Variants in KIF11 observed in about 807,000 individuals in gnomAD.
The protein encoded by KIF11 is kinesin-like protein KIF11.
A neutral mutation model predicts 121.0 loss-of-function variants in KIF11; 9 were observed. That is an observed-to-expected ratio of 0.07 (90% confidence interval 0.04 to 0.13). The LOEUF (loss-of-function observed/expected upper bound fraction) is 0.13. Ranked by LOEUF, KIF11 falls within the 10% of genes least tolerant of loss-of-function variation. The pLI is 1.00. For synonymous variants in KIF11, 408 were observed against 421.0 expected (o/e 0.97, Z 0.38); for missense variants, 846 against 1,217.5 (o/e 0.69, Z 4.54).
chr10:92,632,704 G>A lies in KIF11; in HGVS notation c.1702+11G>A, dbSNP rs1005736327. The A allele has an allele frequency of 1.9e-6, 3 of 1,555,282 alleles. No individual in the cohort carries two copies. Among genetic ancestry groups the A allele is most frequent in the Non-Finnish European group, 1.8e-6 (2 of 1,141,276 alleles). The stretch of plus-strand genomic sequence containing the variant: ...ATAAGACCTTATTTGGTAAGTTCAG[G>A]CTGTTCTGTTCTAGTCTTGATGTGT... On this transcript the variant is annotated intron_variant, in intron 13 of 21. Transcript: ENST00000260731.
At chr10:92,652,115 G>A (rs1844993568) in intron 21 of KIF11, among the ~76,000 whole-genome samples, 2 of 151,404 alleles carry the variant, frequency 1.3e-5, no homozygotes, top group Admixed American at 1.3e-4. Context: ...CTGGCTGCTT[G>A]TACCTTTTTT....
chr10:92,594,961 T>C (rs1487061578), intron 1 of KIF11, among the ~76,000 whole-genome samples: 7 of 152,332 alleles, frequency 4.6e-5, no homozygotes, highest in African/African-American at 1.7e-4. Flanking sequence ...AGGCAACTTA[T>C]GAGTTGCGAG....
chr10:92,617,896 C>T (rs1030277275), intron 9 of KIF11, among the ~76,000 whole-genome samples: 20 of 152,056 alleles, frequency 1.3e-4, no homozygotes, highest in African/African-American at 4.6e-4. Context: ...TGCACCACCA[C>T]GTCTAGCTAA....
intron 21 of KIF11, among the ~76,000 whole-genome samples, chr10:92,652,994 T>A (rs1274298919): frequency 1.3e-5 from 2 of 152,158 alleles, no homozygotes; most frequent in East Asian, 1.9e-4. Context: ...TATGGGTAAG[T>A]AGGATTCCAA....
chr10:92,651,507 G>GTTTTTTTTTTTT lies in KIF11; in HGVS notation c.3039+1020_3039+1031dup, dbSNP rs1175303233. ...TGTGCCACCATGCCTGGCTAATTTT[G>GTTTTTTTTTTTT]TTTTTTTTTTTTTTTTTTTTTTTTT... On this transcript the variant is annotated intron_variant, in intron 21 of 21. Transcript: ENST00000260731. 4.5e-4 allele frequency among the ~76,000 whole-genome samples: 24 copies of GTTTTTTTTTTTT among 52,952 alleles called. 5 individuals carry two copies. The highest frequency in any genetic ancestry group is 9.2e-4 in the East Asian group (1 of 1,082). The allele number at this position is 52,952 out of a possible 152,430, so 34.7% of individuals were successfully genotyped here.
rs1844518358 is a variant in KIF11, at chr10:92,613,562, A to T, written c.975A>T (p.Gly325=). Residue 325 remains glycine, a synonymous_variant, in exon 8 of 22, where the codon GGA becomes GGT. Coordinates refer to ENST00000260731, the MANE Select transcript of KIF11 (RefSeq NM_004523.4). The surrounding 1 kb of genome is among the most constrained non-coding windows in gnomAD (Gnocchi z 4.2). ...CTAGAATCCTCCAGGATTCTCTTGG[A>T]GGGCGTACAAGAACATCTATAATTG... ...KLTRILQDSL[G]GRTRTSIIAT... 1.2e-6 allele frequency: 2 copies of T among 1,612,702 alleles called. No individual in the cohort carries two copies. The highest frequency in any genetic ancestry group is 1.7e-6 in the Non-Finnish European group (2 of 1,178,768).
chr10:92,600,833 G>A (rs75261479), intron 1 of KIF11, among the ~76,000 whole-genome samples: 13,361 of 151,876 alleles, frequency 0.088, 670 homozygotes, highest in Middle Eastern at 0.11. Flanking sequence ...ATAATCTGCA[G>A]ACAGATAATT....
chr10:92,615,462 C>A (rs1271770959), intron 8 of KIF11, among the ~76,000 whole-genome samples: 2 of 148,520 alleles, frequency 1.3e-5, no homozygotes, highest in East Asian at 3.9e-4. Flanking sequence ...AAAAAAAAAT[C>A]TTTGTTGAGA....
At chr10:92,643,629 T>A (rs1419317511) in intron 17 of KIF11, among the ~76,000 whole-genome samples, 2 of 150,310 alleles carry the variant, frequency 1.3e-5, no homozygotes, top group African/African-American at 4.9e-5. Context: ...CAATCTTGGC[T>A]CACTGCAACC....
rs534360901 is a variant in KIF11 at position 92,600,052 on chromosome 10, C to T, written c.78-6213C>T. On this transcript the variant is annotated intron_variant, in intron 1 of 21. Coordinates refer to ENST00000260731, the MANE Select transcript of KIF11 (RefSeq NM_004523.4). ...ATGAAATCTCGGTCTGTTGCCCAGG[C>T]GGGAGTGCAGTGGTGTGATCTCGGC... Among the ~76,000 whole-genome samples, 67 of 150,754 alleles carry T rather than the reference C, an allele frequency of 4.4e-4. No homozygotes were observed. The South Asian group carries it at 0.013, about 30-fold the overall frequency.
intron 14 of KIF11, among the ~76,000 whole-genome samples, chr10:92,634,632 G>T (rs1442228634): frequency 6.6e-6 from 1 of 152,176 alleles, no homozygotes. Context: ...CTCCCAGAAA[G>T]ATTATTTTCA....
At chr10:92,643,972 A>G (rs1316711726) in intron 17 of KIF11, among the ~76,000 whole-genome samples, 1 of 152,100 alleles carries the variant, frequency 6.6e-6, no homozygotes, top group African/African-American at 2.4e-5. Flanking sequence ...AACTCTTCCT[A>G]TATGCTGAAT....
Position 92,651,502 on chromosome 10 carries a change from A to ATT in KIF11, c.3039+988_3039+989dup, listed in dbSNP as rs1343216900. On this transcript the variant is annotated intron_variant, in intron 21 of 21. Coordinates refer to ENST00000260731, the MANE Select transcript of KIF11 (RefSeq NM_004523.4). ...AGGCATGTGCCACCATGCCTGGCTA[A>ATT]TTTTGTTTTTTTTTTTTTTTTTTTT... 2.5e-3 allele frequency among the ~76,000 whole-genome samples: 53 copies of ATT among 21,552 alleles called. 1 individual carries two copies. The highest frequency in any genetic ancestry group is 0.028 in the Middle Eastern group (1 of 36). 14.1% of individuals were successfully genotyped at this position (21,552 alleles called of 152,430 possible). A position where few individuals can be genotyped will look rare whatever the true frequency, so the allele number is the denominator to read the frequency against.
chr10:92,602,161 G>T lies in KIF11; in HGVS notation c.78-4104G>T, dbSNP rs567083094. ...CTTGTGCTGCTCAGTTCAATGTGTT[G>T]GTATTTTGTTGAGGATTTTTTTTTA... On this transcript the variant is annotated intron_variant, in intron 1 of 21. Coordinates refer to ENST00000260731, the MANE Select transcript of KIF11 (RefSeq NM_004523.4). Among the ~76,000 whole-genome samples, 5 of 151,838 alleles carry T rather than the reference G, an allele frequency of 3.3e-5. No individual in the cohort carries two copies. The South Asian group carries it at 6.2e-4, about 19-fold the overall frequency.
At chr10:92,640,837 C>G (rs1844857385) in intron 17 of KIF11, among the ~76,000 whole-genome samples, 1 of 149,354 alleles carries the variant, frequency 6.7e-6, no homozygotes, top group African/African-American at 2.5e-5. Flanking sequence ...ACCTCTGCCT[C>G]CTGAGTTCAA....
chr10:92,632,205 A>G (rs1844745694), intron 12 of KIF11, among the ~76,000 whole-genome samples: 1 of 151,342 alleles, frequency 6.6e-6, no homozygotes, highest in Non-Finnish European at 1.5e-5. Context: ...TCTCTCTGTC[A>G]CCCCGGCTGG....
In KIF11 at chr10:92,654,910, T is replaced by G. The variant is rs1845029218; in HGVS notation, c.*1114T>G. 6.6e-6 allele frequency: 1 copy of G among 152,642 alleles called. No individual in the cohort carries two copies. Among genetic ancestry groups the G allele is most frequent in the Admixed American group, 6.5e-5 (1 of 15,286 alleles). The allele number at this position is 152,642 out of a possible 1,614,324, so 9.5% of individuals were successfully genotyped here. A position where few individuals can be genotyped will look rare whatever the true frequency, so the allele number is the denominator to read the frequency against. Reference sequence around the variant, plus strand: ...TGCCTTTTAGAGAAGCTCACAATGATTTAAGGACTGTTTGAAACTTCCAAT... The same window carrying G: ...TGCCTTTTAGAGAAGCTCACAATGAGTTAAGGACTGTTTGAAACTTCCAAT... On this transcript the variant is annotated 3_prime_UTR_variant, in exon 22 of 22. Coordinates refer to ENST00000260731, the MANE Select transcript of KIF11 (RefSeq NM_004523.4).
intron 21 of KIF11, 94 bp from the exon 22 acceptor site, chr10:92,653,571 G>T: frequency 8.2e-7 from 1 of 1,225,902 alleles, no homozygotes; most frequent in Non-Finnish European, 1.1e-6. Flanking sequence ...AAGTTTTTTT[G>T]CCTATAACCC....
At chr10:92,627,617 A>G (rs937080107) in intron 10 of KIF11, among the ~76,000 whole-genome samples, 1 of 151,770 alleles carries the variant, frequency 6.6e-6, no homozygotes, top group African/African-American at 2.4e-5. Flanking sequence ...CTGTTGTGAT[A>G]TCTGTCATTT....
Sources: allele counts gnomAD v4.1 joint callset (sites outside exome capture counted in the v4.1 genomes callset), GRCh38; gene constraint gnomAD v4.1.1; non-coding constraint Gnocchi (gnomAD v3.1); transcripts MANE v1.5; gene names NCBI Gene and HGNC (gene_info 2026-07-23, HGNC 2026-07-21).